The following HDGFL2 variants were observed in gnomAD, a reference collection of about 807,000 sequenced individuals.
The protein encoded by HDGFL2 is hepatoma-derived growth factor-related protein 2.
Under a neutral mutation model 77.1 loss-of-function variants are expected in HDGFL2, and 36 were observed. That is an observed-to-expected ratio of 0.47 (90% CI 0.36 to 0.62). HDGFL2 has a LOEUF of 0.62. HDGFL2 is among the 20% of genes least tolerant of loss of function. The pLI, the probability that HDGFL2 is intolerant of heterozygous loss-of-function variation, is 0.00. For synonymous variants in HDGFL2, 463 were observed against 413.1 expected, an observed-to-expected ratio of 1.12 and a Z score of -1.46; for missense variants, 976 against 973.4, an observed-to-expected ratio of 1.00 and a Z score of -0.04.
intron 9 of HDGFL2, among the ~76,000 whole-genome samples, chr19:4,495,217 C>T (rs1366690481): frequency 6.6e-6 from 1 of 151,730 alleles, no homozygotes; most frequent in Non-Finnish European, 1.5e-5. Context: ...GAAACCCTGT[C>T]TCTACTAAAA....
chr19:4,475,276 T>C lies in HDGFL2; in HGVS notation c.74T>C (p.Ile25Thr). 1 of 1,613,960 alleles carries C rather than the reference T, an allele frequency of 6.2e-7. No homozygotes were observed. The highest frequency in any genetic ancestry group is 8.5e-7 in the Non-Finnish European group (1 of 1,179,924). The change falls in exon 2 of 16, where the codon ATC becomes ACC. Residue 25 changes from isoleucine to threonine, a missense_variant and splice_region_variant. Ile to Thr is a moderately conservative substitution (Grantham distance 89). Coordinates refer to ENST00000616600, the MANE Select transcript of HDGFL2 (RefSeq NM_001001520.3). ...MKGYPHWPAR[I>T]DDIADGAVKP... Reference sequence around the variant, plus strand: ...CCCCTCACTGGCCTCTCACTGCAGATCGACGACATCGCGGATGGCGCCGTG... The same window carrying C: ...CCCCTCACTGGCCTCTCACTGCAGACCGACGACATCGCGGATGGCGCCGTG...
intron 4 of HDGFL2, among the ~76,000 whole-genome samples, chr19:4,490,750 A>G (rs1975484201): frequency 6.6e-6 from 1 of 152,172 alleles, no homozygotes; most frequent in South Asian, 2.1e-4. Flanking sequence ...TTTGGAAAAA[A>G]TACCTGTAGT....
Position 4,494,060 on chromosome 19 carries a change from G to GGGTGCT in HDGFL2, c.914+6_914+11dup. ...CCGTCCAGCTCCAGCAGTGACAGGT[G>GGGTGCT]GGTGCTGGGGCTGGGGTCCCCTCTG... is the stretch of plus-strand genomic sequence containing the variant. On this transcript the variant is annotated splice_donor_region_variant and intron_variant, in intron 8 of 15. Transcript: ENST00000616600. The GGGTGCT allele has an allele frequency of 6.2e-7, 1 of 1,602,100 alleles. No homozygotes were observed. The highest frequency in any genetic ancestry group is 8.5e-7 in the Non-Finnish European group (1 of 1,175,020).
intron 1 of HDGFL2, among the ~76,000 whole-genome samples, chr19:4,473,591 C>T (rs950220617): frequency 6.8e-6 from 1 of 147,066 alleles, no homozygotes; most frequent in Non-Finnish European, 1.5e-5. Context: ...GCTGGGGGGC[C>T]GAGGGCCATG....
chr19:4,501,483 C>T, intron 15 of HDGFL2, 166 bp downstream of exon 15: 1 of 763,226 alleles, frequency 1.3e-6, no homozygotes, highest in Non-Finnish European at 1.9e-6. Context: ...GCCCCGCTGG[C>T]TGGCACTTCC....
chr19:4,498,281 C>T (rs1975762517), intron 11 of HDGFL2, 25 bp from the exon 12 acceptor site: 1 of 1,603,720 alleles, frequency 6.2e-7, no homozygotes, highest in Non-Finnish European at 8.5e-7. Context: ...CCTGGGCCCA[C>T]ACGGTGCTCT....
chr19:4,483,442 C>G (rs766706538), intron 3 of HDGFL2, among the ~76,000 whole-genome samples: 1 of 152,220 alleles, frequency 6.6e-6, no homozygotes, highest in African/African-American at 2.4e-5. Context: ...TCCTGGCCCC[C>G]CCTCTTGACC....
chr19:4,474,428 C>G (rs1030301881), intron 1 of HDGFL2, among the ~76,000 whole-genome samples: 1 of 152,052 alleles, frequency 6.6e-6, no homozygotes, highest in African/African-American at 2.4e-5. Context: ...CATGGCCGAG[C>G]CCAGGGGCCA....
chr19:4,487,130 A>C (rs1975383523), intron 3 of HDGFL2, among the ~76,000 whole-genome samples: 1 of 151,456 alleles, frequency 6.6e-6, no homozygotes. Flanking sequence ...ACGCCTGGCT[A>C]ATTTTTTTTG....
In HDGFL2 at chr19:4,493,732, CA is replaced by C; in HGVS notation, c.710del (p.Lys237ArgfsTer34). 1.3e-6 allele frequency: 2 copies of C among 1,506,982 alleles called. No individual in the cohort carries two copies. Among genetic ancestry groups the C allele is most frequent in the East Asian group, 2.5e-5 (1 of 39,668 alleles). 93.4% of individuals were successfully genotyped at this position (1,506,982 alleles called of 1,614,324 possible). A position where few individuals can be genotyped will look rare whatever the true frequency, so the allele number is the denominator to read the frequency against. On this transcript the variant is annotated frameshift_variant, in exon 7 of 16. Coordinates refer to ENST00000616600, the MANE Select transcript of HDGFL2 (RefSeq NM_001001520.3). LOFTEE classifies it high-confidence loss of function. ...CGCCATCAGCCTCCGACTCCGACTC[CA>C]AGGCCGATTCGGACGGGGCCAAGCC... is the stretch of plus-strand genomic sequence containing the variant. ...KAPSASDSDS[K>X]ADSDGAKPEP...
intron 15 of HDGFL2, chr19:4,501,602 C>T (rs540379274): frequency 1.4e-4 from 65 of 475,840 alleles, no homozygotes; most frequent in African/African-American, 1.1e-3. Context: ...AGGTAGGCCC[C>T]GAGCACGGGC....
At position 4,494,602 on chromosome 19, in the gene HDGFL2, C is replaced by T. The variant is rs1013800714; in HGVS notation, c.1224+127C>T. On this transcript the variant is annotated intron_variant, in intron 9 of 15. Transcript: ENST00000616600. Reference sequence around the variant, plus strand: ...AAGCAGTGCGTGGGCCCAGAAACTCCTGCCCTGGAGGAGGGGACATTCATG... The same window carrying T: ...AAGCAGTGCGTGGGCCCAGAAACTCTTGCCCTGGAGGAGGGGACATTCATG... The T allele has an allele frequency of 4.5e-6, 3 of 672,590 alleles. No individual in the cohort carries two copies. In the African/African-American group the frequency reaches 5.6e-5, roughly 13 times the overall value. The allele number at this position is 672,590 out of a possible 1,614,324, so 41.7% of individuals were successfully genotyped here.
chr19:4,474,288 G>A (rs537703670), intron 1 of HDGFL2, among the ~76,000 whole-genome samples: 36 of 152,282 alleles, frequency 2.4e-4, no homozygotes, highest in African/African-American at 7.0e-4. Context: ...ATGCCGCTGG[G>A]ATGGGTGGGC....
At chr19:4,498,480 T>C in intron 12 of HDGFL2, 104 bp downstream of exon 12, 1 of 915,954 alleles carries the variant, frequency 1.1e-6, no homozygotes, top group South Asian at 1.4e-5. Context: ...GGTCCTGCAG[T>C]TGGGTGGGCC....
In HDGFL2 at chr19:4,499,699, G is replaced by C; in HGVS notation, c.1784G>C (p.Ser595Thr). ...APQEKAEDKP[S>T]TDLSAPVNGE... ...CAGGAGAAGGCGGAGGACAAGCCCA[G>C]CACCGGTGAGGGGCGGGTGGGGTGG... is the stretch of plus-strand genomic sequence containing the variant. Residue 595 changes from serine to threonine, a missense_variant, in exon 14 of 16, where the codon AGC becomes ACC. By Grantham distance (58) the Ser-to-Thr change is moderately conservative. Transcript: ENST00000616600. The C allele has an allele frequency of 6.7e-7, 1 of 1,500,028 alleles. No individual in the cohort carries two copies. Among genetic ancestry groups the C allele is most frequent in the East Asian group, 2.4e-5 (1 of 42,490 alleles). 92.9% of individuals were successfully genotyped at this position (1,500,028 alleles called of 1,614,324 possible).
intron 1 of HDGFL2, among the ~76,000 whole-genome samples, chr19:4,472,976 G>T (rs1599693694): frequency 6.6e-6 from 1 of 151,162 alleles, no homozygotes; most frequent in African/African-American, 2.4e-5. Context: ...CTCGCCCTTG[G>T]TGTATGAGGG....
rs181623218 is a variant in HDGFL2 at position 4,475,843 on chromosome 19, T to C, written c.288+260T>C. Among the ~76,000 whole-genome samples, 214 of 151,468 alleles carry C rather than the reference T, an allele frequency of 1.4e-3. 5 individuals are homozygous for C. In the East Asian group the frequency reaches 0.035, roughly 25 times the overall value. Reference sequence around the variant, plus strand: ...GTCCCCTGGGTGGAGGGGAACGGGATAGAATCAGCCCTGGCGAGAACCCCT... The same window carrying C: ...GTCCCCTGGGTGGAGGGGAACGGGACAGAATCAGCCCTGGCGAGAACCCCT... On this transcript the variant is annotated intron_variant, in intron 3 of 15. Coordinates refer to ENST00000616600, the MANE Select transcript of HDGFL2 (RefSeq NM_001001520.3).
chr19:4,488,314 C>A (rs1372363734), intron 3 of HDGFL2, among the ~76,000 whole-genome samples: 2 of 152,204 alleles, frequency 1.3e-5, no homozygotes, highest in Non-Finnish European at 2.9e-5. Context: ...TCGGCACTGT[C>A]TTAGGTGCTC....
At chr19:4,481,569 A>G (rs1599704005) in intron 3 of HDGFL2, among the ~76,000 whole-genome samples, 1 of 144,256 alleles carries the variant, frequency 6.9e-6, no homozygotes, top group Non-Finnish European at 1.5e-5. Flanking sequence ...CTTGTGATCC[A>G]CCCAACTCGG....
Sources: allele counts gnomAD v4.1 joint callset (sites outside exome capture counted in the v4.1 genomes callset), GRCh38; gene constraint gnomAD v4.1.1; transcripts MANE v1.5; gene names NCBI Gene and HGNC (gene_info 2026-07-23, HGNC 2026-07-21).